The following PCDHA5 variants were observed in gnomAD, a reference collection of about 807,000 sequenced individuals.
The protein encoded by PCDHA5 is protocadherin alpha-5.
PCDHA5 carries 43 observed loss-of-function variants against 61.6 expected under a neutral mutation model. The ratio of observed to expected loss-of-function variants is 0.70; its 90% CI spans 0.55 to 0.90. The LOEUF (loss-of-function observed/expected upper bound fraction) is 0.90. Ranked by LOEUF, PCDHA5 falls within the 40% of genes least tolerant of loss-of-function variation. The probability of loss-of-function intolerance (pLI) is 0.00; values close to 1 mark genes in which losing one functional copy is unlikely to be tolerated. For missense variants in PCDHA5, 1,298 were observed against 1,222.7 expected, an observed-to-expected ratio of 1.06 and a Z score of -0.92; for synonymous variants, 627 against 543.9, an observed-to-expected ratio of 1.15 and a Z score of -2.13.
chr5:140,892,351 G>T (rs1554185157), intron 1 of PCDHA5, among the ~76,000 whole-genome samples: 1 of 152,112 alleles, frequency 6.6e-6, no homozygotes, highest in Non-Finnish European at 1.5e-5. Context: ...ATTGACTTTT[G>T]CCAGGCATCT....
At chr5:140,839,929 A>G (rs1196921808) in intron 1 of PCDHA5, among the ~76,000 whole-genome samples, 3 of 152,064 alleles carry the variant, frequency 2.0e-5, no homozygotes, top group Non-Finnish European at 2.9e-5. Context: ...TTGAACAAAG[A>G]GTGTGCCAAG....
At chr5:140,960,186 G>A (rs2153724328) in intron 1 of PCDHA5, among the ~76,000 whole-genome samples, 1 of 152,260 alleles carries the variant, frequency 6.6e-6, no homozygotes, top group East Asian at 1.9e-4. Flanking sequence ...GGGGTTGCAT[G>A]TGTAGTGGTC....
rs991591970 is a variant in PCDHA5, at chr5:140,855,546, A to G, written c.2352+31419A>G. Reference sequence around the variant, plus strand: ...GAAAGAGAAGTAAGTTAAGTGTCAGAACTTAAATGGAACTAAAGTTGTCAT... The same window carrying G: ...GAAAGAGAAGTAAGTTAAGTGTCAGGACTTAAATGGAACTAAAGTTGTCAT... On this transcript the variant is annotated intron_variant, in intron 1 of 3. Coordinates refer to ENST00000529859, the MANE Select transcript of PCDHA5 (RefSeq NM_018908.3). Among the ~76,000 whole-genome samples the G allele has an allele frequency of 1.2e-4, 18 of 150,024 alleles. 2 individuals carry two copies. The highest frequency in any genetic ancestry group is 1.8e-4 in the Non-Finnish European group (12 of 67,114).
intron 1 of PCDHA5, 146 bp from the exon 2 acceptor site, chr5:140,978,803 C>A: frequency 2.0e-6 from 3 of 1,485,240 alleles, no homozygotes; most frequent in Middle Eastern, 1.8e-4. Context: ...ATGTAGATAT[C>A]ATCATAGAGT....
chr5:140,941,251 C>CT (rs1177440606), intron 1 of PCDHA5, among the ~76,000 whole-genome samples: 1 of 121,786 alleles, frequency 8.2e-6, no homozygotes, highest in Non-Finnish European at 1.8e-5. Context: ...TTCTTTCTTT[C>CT]TTTCTCTTTC....
intron 1 of PCDHA5, chr5:140,849,066 C>A (rs2040764051): frequency 6.5e-7 from 1 of 1,540,002 alleles, no homozygotes; most frequent in Non-Finnish European, 8.8e-7. Flanking sequence ...GCAGGTAAAA[C>A]CTCTTGGACT....
At chr5:140,839,916 A>G (rs2150301736) in intron 1 of PCDHA5, among the ~76,000 whole-genome samples, 33 of 151,970 alleles carry the variant, frequency 2.2e-4, no homozygotes, top group African/African-American at 7.5e-4. Context: ...TAGAAGAAAA[A>G]CCTTGAACAA....
chr5:140,987,892 A>C (rs1383983251), intron 3 of PCDHA5, among the ~76,000 whole-genome samples: 1 of 152,094 alleles, frequency 6.6e-6, no homozygotes, highest in Non-Finnish European at 1.5e-5. Flanking sequence ...TATGTGCCCT[A>C]GTTTTATATG....
At chr5:140,871,488 C>G (rs370808040) in intron 1 of PCDHA5, 14 of 1,591,168 alleles carry the variant, frequency 8.8e-6, no homozygotes, top group African/African-American at 1.3e-5. Context: ...CAAATCACCC[C>G]GGACAGGTGA....
intron 1 of PCDHA5, chr5:140,841,517 G>C (rs2150317250): frequency 6.2e-7 from 1 of 1,613,540 alleles, no homozygotes; most frequent in Non-Finnish European, 8.5e-7. Flanking sequence ...CCTGTTCCGG[G>C]TGGCGTCCAA....
In PCDHA5 at chr5:140,842,845, T is replaced by G. The variant is rs2150346151; in HGVS notation, c.2352+18718T>G. The G allele has an allele frequency of 0.012, 19,312 of 1,593,596 alleles. 3,039 individuals are homozygous for G. In the African/African-American group the frequency reaches 0.23, roughly 19 times the overall value. On this transcript the variant is annotated intron_variant, in intron 1 of 3. Transcript: ENST00000529859. Reference sequence around the variant, plus strand: ...GCGAGCGCTCGCTGTCGAGCTACATTTCGGTGCACACGGAGAGCGGCAAGG... The same window carrying G: ...GCGAGCGCTCGCTGTCGAGCTACATGTCGGTGCACACGGAGAGCGGCAAGG...
chr5:140,836,704 C>T (rs189142588), intron 1 of PCDHA5: 1 of 1,613,294 alleles, frequency 6.2e-7, no homozygotes, highest in Admixed American at 1.7e-5. Flanking sequence ...GCCTTCAGTC[C>T]CAGCCTTCCT....
chr5:140,947,987 C>G (rs1554218389), intron 1 of PCDHA5, among the ~76,000 whole-genome samples: 1 of 144,778 alleles, frequency 6.9e-6, no homozygotes, highest in African/African-American at 2.6e-5. Context: ...AGGTTTTTCC[C>G]AAATACTTTA....
At chr5:140,925,671 A>AATAATG (rs1554202870) in intron 1 of PCDHA5, among the ~76,000 whole-genome samples, 40 of 148,180 alleles carry the variant, frequency 2.7e-4, no homozygotes, top group African/African-American at 9.5e-4. Flanking sequence ...TAATAATAAT[A>AATAATG]ATAATAAAGC....
chr5:140,979,076 C>T, intron 2 of PCDHA5, 69 bp downstream of exon 2: 1 of 1,584,068 alleles, frequency 6.3e-7, no homozygotes, highest in Non-Finnish European at 8.6e-7. Flanking sequence ...AACTGCATCT[C>T]CATAGGCCAG....
chr5:140,881,279 G>A, intron 1 of PCDHA5: 2 of 760,202 alleles, frequency 2.6e-6, no homozygotes, highest in South Asian at 6.0e-5. Flanking sequence ...GAAGTAAGAT[G>A]GAGAGAGAAA....
In PCDHA5 at chr5:141,009,947, A is replaced by G; in HGVS notation, c.*10A>G. On this transcript the variant is annotated 3_prime_UTR_variant, in exon 4 of 4. Coordinates refer to ENST00000529859, the MANE Select transcript of PCDHA5 (RefSeq NM_018908.3). ...CAACAGTGACCAGTGAGGTCCTCAAATGGAAACAAGCCACTTAGCCAGTTT... is the reference window on the plus strand; with the variant it reads ...CAACAGTGACCAGTGAGGTCCTCAAGTGGAAACAAGCCACTTAGCCAGTTT... The G allele has an allele frequency of 1.9e-6, 3 of 1,596,272 alleles. No individual in the cohort carries two copies. The South Asian group carries it at 3.4e-5, about 18-fold the overall frequency.
At chr5:140,869,781 T>G in intron 1 of PCDHA5, 1 of 1,612,992 alleles carries the variant, frequency 6.2e-7, no homozygotes, top group African/African-American at 1.3e-5. Context: ...CTGGCACCGT[T>G]CGGCTGTTAG....
chr5:140,987,358 T>C (rs1554249108), intron 3 of PCDHA5, among the ~76,000 whole-genome samples: 2 of 152,208 alleles, frequency 1.3e-5, no homozygotes, highest in Non-Finnish European at 2.9e-5. Context: ...CCTGAGGTTG[T>C]CTTATATCAT....
Sources: gnomAD v4.1 joint callset for allele counts (sites outside exome capture counted in the v4.1 genomes callset) on GRCh38, gnomAD v4.1.1 for gene constraint, MANE v1.5 for transcripts, NCBI Gene and HGNC (gene_info 2026-07-23, HGNC 2026-07-21) for gene names.